Variants in ITK observed in about 807,000 individuals in gnomAD.
ITK encodes IL2 inducible T cell kinase, also known as tyrosine-protein kinase ITK/TSK.
A neutral mutation model predicts 87.6 loss-of-function variants in ITK; 45 were observed. The observed-to-expected ratio is 0.51, with a 90% confidence interval of 0.40 to 0.66. ITK has a LOEUF of 0.66. Among genes scored for constraint, ITK ranks in the 30% least tolerant of loss-of-function variants. The pLI, the probability that ITK is intolerant of heterozygous loss-of-function variation, is 0.00. For synonymous variants in ITK, 303 were observed against 273.6 expected, an observed-to-expected ratio of 1.11 and a Z score of -1.06; for missense variants, 605 against 766.3, an observed-to-expected ratio of 0.79 and a Z score of 2.48.
chr5:157,253,171 T>C lies in ITK; in HGVS notation c.*493T>C. ...TCTTTTTCCAAGAAAACTGGTGAGT[T>C]AAGTAAGATTAGAGTGAGTGTGCTC... On this transcript the variant is annotated 3_prime_UTR_variant, in exon 17 of 17. Coordinates refer to ENST00000422843, the MANE Select transcript of ITK (RefSeq NM_005546.4). 1 of 291,518 alleles carries C rather than the reference T, an allele frequency of 3.4e-6. No individual in the cohort carries two copies. The highest frequency in any genetic ancestry group is 4.6e-5 in the Admixed American group (1 of 21,750). 18.1% of individuals were successfully genotyped at this position (291,518 alleles called of 1,614,324 possible). A position where few individuals can be genotyped will look rare whatever the true frequency, so the allele number is the denominator to read the frequency against.
intron 1 of ITK, among the ~76,000 whole-genome samples, chr5:157,205,247 A>T (rs187543297): frequency 6.6e-6 from 1 of 152,188 alleles, no homozygotes; most frequent in Non-Finnish European, 1.5e-5. Context: ...GGGAAGTTTA[A>T]TGAATTGCCC....
chr5:157,240,040 A>G, intron 9 of ITK, 22 bp from the exon 10 acceptor site: 1 of 1,608,532 alleles, frequency 6.2e-7, no homozygotes, highest in Non-Finnish European at 8.5e-7. Flanking sequence ...TAATCATTAC[A>G]TTTGTGTTTC....
intron 15 of ITK, among the ~76,000 whole-genome samples, chr5:157,247,466 C>A (rs1234665646): frequency 6.6e-6 from 1 of 152,204 alleles, no homozygotes; most frequent in Non-Finnish European, 1.5e-5. Flanking sequence ...AGCAAGGGCC[C>A]CACAATGAGA....
intron 1 of ITK, 83 bp downstream of exon 1, chr5:157,181,198 A>G (rs1753507521): frequency 1.5e-6 from 2 of 1,351,808 alleles, no homozygotes; most frequent in Non-Finnish European, 1.1e-6. Context: ...TACATAGCAT[A>G]AAATAGAGCA....
chr5:157,225,333 G>T (rs1266909643), intron 6 of ITK, among the ~76,000 whole-genome samples: 3 of 152,062 alleles, frequency 2.0e-5, no homozygotes, highest in Non-Finnish European at 4.4e-5. Flanking sequence ...AGTTAAGTCA[G>T]AGTATGTGAT....
In ITK at chr5:157,210,460, C is replaced by A. The variant is rs1321686805; in HGVS notation, c.244-827C>A. Among the ~76,000 whole-genome samples the A allele has an allele frequency of 3.3e-5, 5 of 150,970 alleles. No individual in the cohort carries two copies. The East Asian group carries it at 9.7e-4, about 29-fold the overall frequency. On this transcript the variant is annotated intron_variant, in intron 2 of 16. Coordinates refer to ENST00000422843, the MANE Select transcript of ITK (RefSeq NM_005546.4). ...TTCAAAATCTCAATGATAATGAGTG[C>A]CTAAAAGAGAGGTGAAATATAAAGA... is the stretch of plus-strand genomic sequence containing the variant.
intron 7 of ITK, among the ~76,000 whole-genome samples, chr5:157,230,407 C>T (rs1580898814): frequency 6.6e-6 from 1 of 152,136 alleles, no homozygotes; most frequent in East Asian, 1.9e-4. Context: ...CTAATGAGGA[C>T]ACCTATTAAC....
intron 6 of ITK, among the ~76,000 whole-genome samples, chr5:157,226,401 T>G (rs1346798161): frequency 6.6e-6 from 1 of 152,222 alleles, no homozygotes; most frequent in East Asian, 1.9e-4. Flanking sequence ...TGCATTAATA[T>G]AATTGTAAAA....
At chr5:157,227,542 G>A (rs1245277570) in intron 6 of ITK, among the ~76,000 whole-genome samples, 5 of 152,034 alleles carry the variant, frequency 3.3e-5, no homozygotes, top group Non-Finnish European at 5.9e-5. Context: ...TCTGTGGTTG[G>A]AAAGTCATCT....
chr5:157,248,827 G>C lies in ITK; in HGVS notation c.1634-23G>C, dbSNP rs767884548. On this transcript the variant is annotated intron_variant, in intron 15 of 16. Transcript: ENST00000422843. ...GTCTGTGGGCTTTGTCATTCACTGT[G>C]CTGTGCTCACCATTTCTTGTAGGTG... 5.6e-6 allele frequency: 9 copies of C among 1,613,732 alleles called. No homozygotes were observed. In the East Asian group the frequency reaches 2.0e-4, roughly 36 times the overall value.
At chr5:157,214,343 A>G (rs1188659148) in intron 4 of ITK, 24 bp downstream of exon 4, 3 of 1,606,392 alleles carry the variant, frequency 1.9e-6, no homozygotes, top group Non-Finnish European at 2.6e-6. Context: ...AATTCCCTCT[A>G]GTTTTTGTGA....
chr5:157,206,527 T>G (rs1754083115), intron 1 of ITK, among the ~76,000 whole-genome samples: 1 of 152,214 alleles, frequency 6.6e-6, no homozygotes, highest in African/African-American at 2.4e-5. Context: ...AGGCTTTTTT[T>G]GGGTGGTAGG....
chr5:157,206,377 G>T (rs1255927286), intron 1 of ITK, among the ~76,000 whole-genome samples: 1 of 152,112 alleles, frequency 6.6e-6, no homozygotes, highest in African/African-American at 2.4e-5. Context: ...CCAGGTTTTG[G>T]TATCAGGATG....
chr5:157,183,853 C>T (rs191497213), intron 1 of ITK, among the ~76,000 whole-genome samples: 2 of 152,150 alleles, frequency 1.3e-5, no homozygotes, highest in African/African-American at 4.8e-5. Flanking sequence ...GAAAAATAAC[C>T]CTTCTACATA....
At chr5:157,251,690 C>G (rs1283786726) in intron 16 of ITK, among the ~76,000 whole-genome samples, 1 of 152,132 alleles carries the variant, frequency 6.6e-6, no homozygotes, top group Non-Finnish European at 1.5e-5. Flanking sequence ...TGAAAGGTGT[C>G]AGGTCTGTGA....
intron 8 of ITK, among the ~76,000 whole-genome samples, chr5:157,235,593 TGACCTGAAGTTCA>T (rs1436295285): frequency 6.6e-6 from 1 of 152,152 alleles, no homozygotes; most frequent in Non-Finnish European, 1.5e-5. Flanking sequence ...ACACATAGGG[TGACCTGAAGTTCA>T]GACATTCTAA....
intron 3 of ITK, among the ~76,000 whole-genome samples, chr5:157,212,678 C>A (rs1754214053): frequency 6.6e-6 from 1 of 152,076 alleles, no homozygotes; most frequent in Non-Finnish European, 1.5e-5. Context: ...ATAGTGAGAT[C>A]TCATCTCTAC....
intron 2 of ITK, 123 bp downstream of exon 2, chr5:157,209,116 A>C: frequency 1.4e-6 from 1 of 732,096 alleles, no homozygotes; most frequent in Non-Finnish European, 2.5e-6. Context: ...CAGGCAGATC[A>C]CGAGGTCAGG....
chr5:157,226,801 TG>T (rs1386190285), intron 6 of ITK, among the ~76,000 whole-genome samples: 3 of 128,846 alleles, frequency 2.3e-5, no homozygotes, highest in East Asian at 1.9e-4. Flanking sequence ...TGTTTTGTTT[TG>T]TTTTTTTGTT....
Sources: gnomAD v4.1 joint callset for allele counts (sites outside exome capture counted in the v4.1 genomes callset) on GRCh38, gnomAD v4.1.1 for gene constraint, MANE v1.5 for transcripts, NCBI Gene and HGNC (gene_info 2026-07-23, HGNC 2026-07-21) for gene names.